NR2F1-AS1: variants seen among roughly 807,000 people sequenced by gnomAD.
The protein encoded by NR2F1-AS1 is NR2F1 regulatory antisense RNA 1.
chr5:93,464,117 T>A (rs1750164567), intron 4 of NR2F1-AS1, among the ~76,000 whole-genome samples: 1 of 152,172 alleles, frequency 6.6e-6, no homozygotes. Context: ...TCCCACAATT[T>A]CAACATATCA....
intron 4 of NR2F1-AS1, among the ~76,000 whole-genome samples, chr5:93,474,382 A>G (rs979739658): frequency 8.5e-5 from 13 of 152,234 alleles, no homozygotes; most frequent in Non-Finnish European, 1.9e-4. Context: ...ACAATACTCA[A>G]TAATATTAAA....
chr5:93,460,685 C>T (rs1321456557), intron 4 of NR2F1-AS1, among the ~76,000 whole-genome samples: 1 of 151,996 alleles, frequency 6.6e-6, no homozygotes, highest in Admixed American at 6.6e-5. Flanking sequence ...CATGAACAGA[C>T]ACTTATCAGA....
chr5:93,427,649 T>C (rs1396202434), intron 4 of NR2F1-AS1, among the ~76,000 whole-genome samples: 1 of 152,190 alleles, frequency 6.6e-6, no homozygotes, highest in Non-Finnish European at 1.5e-5. Flanking sequence ...AATGTATAAA[T>C]ACCACTTGCT....
At chr5:93,414,893 A>G (rs183192244) in intron 4 of NR2F1-AS1, among the ~76,000 whole-genome samples, 1 of 152,344 alleles carries the variant, frequency 6.6e-6, no homozygotes, top group African/African-American at 2.4e-5. Context: ...CTGTGTAAGG[A>G]AAAATAAACT....
chr5:93,463,192 G>C (rs1750138563), intron 4 of NR2F1-AS1, among the ~76,000 whole-genome samples: 1 of 152,184 alleles, frequency 6.6e-6, no homozygotes, highest in African/African-American at 2.4e-5. Context: ...TAGGGAATTG[G>C]TGCCCTGTGT....
At chr5:93,478,530 A>G (rs1750535372) in intron 4 of NR2F1-AS1, among the ~76,000 whole-genome samples, 1 of 152,038 alleles carries the variant, frequency 6.6e-6, no homozygotes, top group Non-Finnish European at 1.5e-5. Context: ...CAGCCTCCTG[A>G]GTAGCTGAGA....
intron 4 of NR2F1-AS1, among the ~76,000 whole-genome samples, chr5:93,421,226 A>T (rs530399838): frequency 6.6e-6 from 1 of 152,246 alleles, no homozygotes; most frequent in South Asian, 2.1e-4. Context: ...CTGGCTCCAT[A>T]CTTTTAACTG....
At chr5:93,490,607 G>A (rs1750817789) in intron 4 of NR2F1-AS1, among the ~76,000 whole-genome samples, 1 of 146,718 alleles carries the variant, frequency 6.8e-6, no homozygotes, top group African/African-American at 2.5e-5. Flanking sequence ...GGTGGCGGTG[G>A]CAGTGGTGGT....
intron 4 of NR2F1-AS1, among the ~76,000 whole-genome samples, chr5:93,458,913 G>A (rs1750022784): frequency 6.6e-6 from 1 of 152,014 alleles, no homozygotes; most frequent in Admixed American, 6.6e-5. Context: ...TCGGGAGGCT[G>A]AGACAAGAGA....
chr5:93,434,380 G>A (rs964263760), intron 4 of NR2F1-AS1, among the ~76,000 whole-genome samples: 18 of 152,040 alleles, frequency 1.2e-4, no homozygotes, highest in Admixed American at 3.3e-4. Context: ...TTCAGGCATC[G>A]TATAAAGAAC....
chr5:93,564,829 T>G (rs765621747), intron 1 of NR2F1-AS1, among the ~76,000 whole-genome samples: 3 of 152,178 alleles, frequency 2.0e-5, no homozygotes, highest in Non-Finnish European at 4.4e-5. Flanking sequence ...ATTGAAAACC[T>G]CATTATATCT....
rs568888770 is a variant in NR2F1-AS1 at position 93,457,055 on chromosome 5, G to A, written n.639-61513C>T. Among the ~76,000 whole-genome samples, 81 of 152,274 alleles carry A rather than the reference G, an allele frequency of 5.3e-4. 1 individual carries two copies. The highest frequency in any genetic ancestry group is 1.2e-3 in the Admixed American group (19 of 15,298). On this transcript the variant is annotated intron_variant and non_coding_transcript_variant, in intron 4 of 5. Transcript: ENST00000660523. ...AATATACAATCGGGTTTTACACCCA[G>A]ACATTCTATTGCCCAGGGACGAGCA...
intron 1 of NR2F1-AS1, among the ~76,000 whole-genome samples, chr5:93,572,890 G>A (rs1364138903): frequency 1.3e-5 from 2 of 152,210 alleles, no homozygotes; most frequent in African/African-American, 4.8e-5. Context: ...GCTGAGAGGC[G>A]CGGCCGGCGG....
chr5:93,447,518 C>T (rs1244586375), intron 4 of NR2F1-AS1, among the ~76,000 whole-genome samples: 3 of 152,136 alleles, frequency 2.0e-5, no homozygotes, highest in Admixed American at 2.0e-4. Context: ...CCATCTCAAA[C>T]CAGTTAGAAT....
intron 4 of NR2F1-AS1, among the ~76,000 whole-genome samples, chr5:93,470,660 G>C (rs1750347269): frequency 6.6e-6 from 1 of 151,650 alleles, no homozygotes; most frequent in Middle Eastern, 3.2e-3. Context: ...ATCACTCCTA[G>C]TAACATGCCT....
chr5:93,505,948 A>G (rs1485830701), intron 4 of NR2F1-AS1, among the ~76,000 whole-genome samples: 1 of 152,210 alleles, frequency 6.6e-6, no homozygotes, highest in Non-Finnish European at 1.5e-5. Flanking sequence ...TTCTCCTCAG[A>G]AAAATGGGTT....
chr5:93,580,113 A>C lies in NR2F1-AS1; in HGVS notation n.313+354T>G, dbSNP rs370550447. ...CAGCAGGAACAGCCGGGCCGGTGTT[A>C]AACGTGCGGGTCCCCGTCCTCCGCC... On this transcript the variant is annotated intron_variant and non_coding_transcript_variant, in intron 1 of 5. Coordinates refer to ENST00000660523, the Ensembl canonical transcript of NR2F1-AS1. 3.1e-3 allele frequency among the ~76,000 whole-genome samples: 468 copies of C among 152,332 alleles called. 5 individuals are homozygous for C. Among genetic ancestry groups the C allele is most frequent in the African/African-American group, 0.01 (429 of 41,586 alleles).
intron 4 of NR2F1-AS1, among the ~76,000 whole-genome samples, chr5:93,497,878 G>A (rs1438995452): frequency 2.6e-5 from 4 of 152,086 alleles, no homozygotes; most frequent in East Asian, 1.9e-4. Context: ...ATTCATCATC[G>A]GAATCAAGGG....
chr5:93,570,741 C>A (rs17083228), intron 1 of NR2F1-AS1: 20,007 of 152,276 alleles, frequency 0.13, 1,718 homozygotes, highest in African/African-American at 0.24. Flanking sequence ...CGTCTCAGTG[C>A]GCAGATACCG....
Sources: gnomAD v4.1 joint callset for allele counts (sites outside exome capture counted in the v4.1 genomes callset) on GRCh38, gnomAD v4.1.1 for gene constraint, MANE v1.5 for transcripts, NCBI Gene and HGNC (gene_info 2026-07-23, HGNC 2026-07-21) for gene names.